Variants in DNAH9 observed in about 807,000 individuals in gnomAD.
DNAH9 encodes dynein axonemal heavy chain 9, also known as DNAH9 variant protein.
A neutral mutation model predicts 471.6 loss-of-function variants in DNAH9; 345 were observed. That is an observed-to-expected ratio of 0.73 (90% CI 0.67 to 0.80). The LOEUF is 0.80. DNAH9 is among the 30% of genes least tolerant of loss of function. The pLI is 0.00. For synonymous variants in DNAH9, 2,093 were observed against 2,123.6 expected (o/e 0.99, Z 0.40); for missense variants, 5,407 against 5,609.2 (o/e 0.96, Z 1.15).
chr17:11,724,474 C>T (rs980551164), intron 27 of DNAH9, among the ~76,000 whole-genome samples: 3 of 152,152 alleles, frequency 2.0e-5, no homozygotes, highest in African/African-American at 7.2e-5. Flanking sequence ...ATAATATCCT[C>T]CAGGTCCATC....
intron 4 of DNAH9, among the ~76,000 whole-genome samples, chr17:11,615,151 C>T (rs1489153550): frequency 6.6e-6 from 1 of 152,134 alleles, no homozygotes; most frequent in African/African-American, 2.4e-5. Flanking sequence ...GGTAGGAATA[C>T]TGGGAATATT....
intron 65 of DNAH9, among the ~76,000 whole-genome samples, chr17:11,936,390 A>G (rs1974715329): frequency 6.6e-6 from 1 of 152,154 alleles, no homozygotes. Flanking sequence ...AGAACTTTGG[A>G]AAGTCAAGGC....
intron 48 of DNAH9, among the ~76,000 whole-genome samples, chr17:11,831,714 T>G (rs377064518): frequency 6.6e-6 from 1 of 152,198 alleles, no homozygotes; most frequent in African/African-American, 2.4e-5. Context: ...GGGAAAACAC[T>G]CCTTTTCAGT....
chr17:11,629,936 G>A (rs1184462127), intron 7 of DNAH9, among the ~76,000 whole-genome samples: 1 of 152,120 alleles, frequency 6.6e-6, no homozygotes, highest in Admixed American at 6.6e-5. Context: ...AAAGAAGCTA[G>A]ACCCAGAAAG....
At chr17:11,769,374 G>A (rs748430492) in intron 38 of DNAH9, 45 bp downstream of exon 38, 49 of 1,526,458 alleles carry the variant, frequency 3.2e-5, no homozygotes, top group Non-Finnish European at 3.9e-5. Context: ...CTGGGTGGCC[G>A]TGTCACCTGA....
In DNAH9 at chr17:11,719,436, C is replaced by T. The variant is rs111713622; in HGVS notation, c.5655C>T (p.Arg1885=). Reference sequence around the variant, plus strand: ...CCGAGACCACCAAGGACCTGGGCCGCGCACTGGGCATCCTGGTCTATGTGT... The same window carrying T: ...CCGAGACCACCAAGGACCTGGGCCGTGCACTGGGCATCCTGGTCTATGTGT... ...GKTETTKDLG[R]ALGILVYVFN... is the part of the protein sequence containing the mutation. Residue 1885 remains arginine, a synonymous_variant, in exon 27 of 69, where the codon CGC becomes CGT. Transcript: ENST00000262442. 1.5e-4 allele frequency: 246 copies of T among 1,613,806 alleles called. 1 individual carries two copies. The African/African-American group carries it at 1.8e-3, about 12-fold the overall frequency.
At chr17:11,838,609 G>T (rs1970925368) in intron 49 of DNAH9, among the ~76,000 whole-genome samples, 1 of 152,156 alleles carries the variant, frequency 6.6e-6, no homozygotes, top group Non-Finnish European at 1.5e-5. Context: ...CTGAGCTGTG[G>T]GTACAGAAGT....
At chr17:11,952,847 A>T (rs141350519) in intron 67 of DNAH9, among the ~76,000 whole-genome samples, 117 of 152,262 alleles carry the variant, frequency 7.7e-4, no homozygotes, top group African/African-American at 2.7e-3. Flanking sequence ...GGTGTGGCTT[A>T]AACAACAGAT....
At chr17:11,766,663 G>T (rs1967947284) in intron 36 of DNAH9, among the ~76,000 whole-genome samples, 1 of 152,130 alleles carries the variant, frequency 6.6e-6, no homozygotes, top group South Asian at 2.1e-4. Context: ...CCATGGAGTG[G>T]AATTAAGAAA....
chr17:11,679,640 G>A (rs2074100330), intron 17 of DNAH9, 117 bp from the exon 18 acceptor site: 2 of 743,426 alleles, frequency 2.7e-6, no homozygotes, highest in Non-Finnish European at 4.7e-6. Flanking sequence ...TTAGTCAAGT[G>A]TTGGGCATGT....
intron 67 of DNAH9, among the ~76,000 whole-genome samples, chr17:11,958,302 C>T (rs1975772132): frequency 6.6e-6 from 1 of 152,100 alleles, no homozygotes. Context: ...TTTTAGGACA[C>T]TGAAACAATA....
At chr17:11,635,526 C>T (rs993548580) in intron 8 of DNAH9, among the ~76,000 whole-genome samples, 69 of 152,028 alleles carry the variant, frequency 4.5e-4, no homozygotes, top group Admixed American at 3.6e-3. Context: ...AAAAACCATG[C>T]ACTGAGCAGT....
intron 49 of DNAH9, among the ~76,000 whole-genome samples, chr17:11,842,346 C>T (rs1971063390): frequency 1.3e-5 from 2 of 152,104 alleles, no homozygotes; most frequent in Non-Finnish European, 2.9e-5. Context: ...TATGCATACC[C>T]AAGCATACAT....
In DNAH9 at chr17:11,902,792, T is replaced by C; in HGVS notation, c.11480T>C (p.Phe3827Ser). 1 of 1,613,992 alleles carries C rather than the reference T, an allele frequency of 6.2e-7. No homozygotes were observed. The change falls in exon 60 of 69, where the codon TTT becomes TCT. Residue 3827 changes from phenylalanine (F) to serine (S), a missense_variant. Around this residue, in one of 3 missense-constraint regions of DNAH9, gnomAD observed 4,636 missense variants for 4,900.3 expected, o/e 0.95. Coordinates refer to ENST00000262442, the MANE Select transcript of DNAH9 (RefSeq NM_001372.4). ...GGATCTGCTAAGAGCTGGAAAAAGT[T>C]TGTGGAGTCCGAATGTCCTGAGAAA... is the stretch of plus-strand genomic sequence containing the variant. ...IEGSAKSWKK[F>S]VESECPEKEK...
chr17:11,875,354 G>T (rs1046812292), intron 53 of DNAH9, among the ~76,000 whole-genome samples, 170 bp downstream of exon 53: 7 of 152,106 alleles, frequency 4.6e-5, no homozygotes, highest in African/African-American at 1.7e-4. Flanking sequence ...AGATGCCTGG[G>T]TACTAAGTCT....
intron 67 of DNAH9, among the ~76,000 whole-genome samples, chr17:11,951,806 C>T (rs1207561892): frequency 1.3e-5 from 2 of 151,650 alleles, no homozygotes; most frequent in African/African-American, 2.4e-5. Context: ...GCCTGTAATC[C>T]CAGCTACTCG....
intron 14 of DNAH9, among the ~76,000 whole-genome samples, chr17:11,663,032 G>A (rs956414668): frequency 1.3e-5 from 2 of 151,848 alleles, no homozygotes; most frequent in African/African-American, 2.4e-5. Flanking sequence ...TGGGATTACA[G>A]GCGTGAGCCA....
intron 29 of DNAH9, among the ~76,000 whole-genome samples, chr17:11,740,117 G>A (rs2075410663): frequency 6.6e-6 from 1 of 152,206 alleles, no homozygotes; most frequent in African/African-American, 2.4e-5. Context: ...ATGCCAACAA[G>A]CTGTCTAAAC....
At chr17:11,957,568 GAA>G (rs796811713) in intron 67 of DNAH9, among the ~76,000 whole-genome samples, 18 of 99,192 alleles carry the variant, frequency 1.8e-4, no homozygotes, top group African/African-American at 6.0e-4. Context: ...CAGAATGGGA[GAA>G]AAAAAAAAAA....
Sources: allele counts gnomAD v4.1 joint callset (sites outside exome capture counted in the v4.1 genomes callset), GRCh38; gene constraint gnomAD v4.1.1; regional missense constraint gnomAD v4.1.1; transcripts MANE v1.5; gene names NCBI Gene and HGNC (gene_info 2026-07-23, HGNC 2026-07-21).